AFF3: variants seen among roughly 807,000 people sequenced by gnomAD.
AFF3 encodes ALF transcription elongation factor 3.
Under a neutral mutation model 129.7 loss-of-function variants are expected in AFF3, and 32 were observed. That is an observed-to-expected ratio of 0.25 (90% CI 0.19 to 0.33). AFF3 has a LOEUF of 0.33. Among genes scored for constraint, AFF3 ranks in the 10% least tolerant of loss-of-function variants. The pLI is 1.00. For synonymous variants in AFF3, 644 were observed against 635.4 expected, an observed-to-expected ratio of 1.01 and a Z score of -0.20; for missense variants, 1,373 against 1,592.0, an observed-to-expected ratio of 0.86 and a Z score of 2.34.
intron 7 of AFF3, among the ~76,000 whole-genome samples, chr2:99,923,581 A>G (rs1426596955): frequency 6.6e-6 from 1 of 152,202 alleles, no homozygotes. Context: ...CTGGATGTAG[A>G]GTGAGGTCCA....
At chr2:99,722,474 GT>G in intron 11 of AFF3, among the ~76,000 whole-genome samples, 1 of 152,110 alleles carries the variant, frequency 6.6e-6, no homozygotes, top group Non-Finnish European at 1.5e-5. Context: ...ATCTGTTTCG[GT>G]TTTGCCCTTA....
At position 100,089,068 on chromosome 2, in the gene AFF3, A is replaced by C. The variant is rs535711987; in HGVS notation, c.53+15334T>G. ...CTGAATACAGACCCTGCCTGCTCTA[A>C]AAGTCACGAGGTATAAAGTGTGAAC... On this transcript the variant is annotated intron_variant, in intron 4 of 24. Coordinates refer to ENST00000672756, the MANE Select transcript of AFF3 (RefSeq NM_001386135.1). Among the ~76,000 whole-genome samples, 12 of 152,228 alleles carry C rather than the reference A, an allele frequency of 7.9e-5. No individual in the cohort carries two copies. In the South Asian group the frequency reaches 2.3e-3, roughly 29 times the overall value.
At chr2:100,118,686 G>A (rs1210119032) in intron 2 of AFF3, among the ~76,000 whole-genome samples, 1 of 151,928 alleles carries the variant, frequency 6.6e-6, no homozygotes, top group Non-Finnish European at 1.5e-5. Context: ...TTTGGCCCCT[G>A]GGAATACCTG....
chr2:99,959,870 T>C (rs1278079833), intron 7 of AFF3, among the ~76,000 whole-genome samples: 1 of 151,892 alleles, frequency 6.6e-6, no homozygotes, highest in Non-Finnish European at 1.5e-5. Context: ...ACACCCAGCA[T>C]AGCCTATGGC....
chr2:99,928,301 C>T (rs564205951), intron 7 of AFF3, among the ~76,000 whole-genome samples: 27 of 152,212 alleles, frequency 1.8e-4, no homozygotes, highest in South Asian at 6.2e-4. Flanking sequence ...AAAATCTCAA[C>T]GCAGCAGGTA....
In AFF3 at chr2:99,594,127, C is replaced by T. The variant is rs763782134; in HGVS notation, c.1534G>A (p.Asp512Asn). ...TCTCTCAGGCTGGGCTGGCAAACGT[C>T]GGGGACTTTCCCACAGTCCTGGACG... is the stretch of plus-strand genomic sequence containing the variant. ...EDVQDCGKVPDVCQPSLREKE... is the reference protein window; with the variant it reads ...EDVQDCGKVPNVCQPSLREKE... Residue 512 changes from aspartate (D) to asparagine (N), a missense_variant, in exon 15 of 25, where the codon GAC becomes AAC. This residue lies in a region of AFF3 where 413 missense variants were observed against 424.4 expected (regional missense o/e 0.97). Coordinates refer to ENST00000672756, the MANE Select transcript of AFF3 (RefSeq NM_001386135.1). 19 of 1,613,930 alleles carry T rather than the reference C, an allele frequency of 1.2e-5. No homozygotes were observed. The highest frequency in any genetic ancestry group is 5.3e-5 in the African/African-American group (4 of 74,910).
At chr2:99,561,082 G>A (rs1675423708) in intron 20 of AFF3, among the ~76,000 whole-genome samples, 1 of 152,192 alleles carries the variant, frequency 6.6e-6, no homozygotes, top group South Asian at 2.1e-4. Flanking sequence ...TGAGAGAGCT[G>A]AGGCAGTATG....
At chr2:99,806,508 G>C (rs1287833329) in intron 8 of AFF3, among the ~76,000 whole-genome samples, 4 of 152,168 alleles carry the variant, frequency 2.6e-5, no homozygotes, top group Non-Finnish European at 5.9e-5. Context: ...GATGCACCAG[G>C]AATCTCGCTC....
chr2:99,612,299 C>T (rs545637000), intron 13 of AFF3, among the ~76,000 whole-genome samples: 3 of 152,308 alleles, frequency 2.0e-5, no homozygotes, highest in Non-Finnish European at 4.4e-5. Context: ...CAAAAGCTGA[C>T]GAATGAAACA....
intron 10 of AFF3, among the ~76,000 whole-genome samples, chr2:99,734,688 A>C (rs889976606): frequency 2.6e-5 from 4 of 152,026 alleles, no homozygotes; most frequent in African/African-American, 7.2e-5. Context: ...AAAAGGATCC[A>C]ATTTTGAATT....
At chr2:100,074,022 A>G (rs1301312663) in intron 4 of AFF3, among the ~76,000 whole-genome samples, 1 of 152,184 alleles carries the variant, frequency 6.6e-6, no homozygotes, top group South Asian at 2.1e-4. Context: ...TCAGAAGGAG[A>G]CTGAGTAGAA....
chr2:99,820,867 C>T (rs1033929664), intron 8 of AFF3, among the ~76,000 whole-genome samples: 2 of 140,208 alleles, frequency 1.4e-5, no homozygotes, highest in Non-Finnish European at 3.1e-5. Flanking sequence ...TTCTCCTCCA[C>T]ATCTTTTTTT....
At chr2:100,031,577 T>C (rs192427005) in intron 4 of AFF3, among the ~76,000 whole-genome samples, 224 of 152,218 alleles carry the variant, frequency 1.5e-3, no homozygotes, top group Middle Eastern at 3.4e-3. Flanking sequence ...CTTGGAAAAA[T>C]GGCTGATTCT....
chr2:99,880,743 T>C (rs993668917), intron 7 of AFF3, among the ~76,000 whole-genome samples: 2 of 151,880 alleles, frequency 1.3e-5, no homozygotes, highest in African/African-American at 2.4e-5. Flanking sequence ...AGTGAGGGTG[T>C]GGGAGTTGGA....
At chr2:99,586,478 G>A (rs985068316) in intron 16 of AFF3, among the ~76,000 whole-genome samples, 12 of 152,148 alleles carry the variant, frequency 7.9e-5, no homozygotes, top group Non-Finnish European at 1.3e-4. Flanking sequence ...CTATGTATAC[G>A]GTCAGGGAGG....
intron 7 of AFF3, among the ~76,000 whole-genome samples, chr2:99,932,921 C>T (rs937407742): frequency 2.0e-5 from 3 of 152,068 alleles, no homozygotes; most frequent in Non-Finnish European, 4.4e-5. Flanking sequence ...TCATAATGTA[C>T]AGTTTCAATA....
intron 9 of AFF3, among the ~76,000 whole-genome samples, chr2:99,748,595 C>T (rs966400615): frequency 5.3e-5 from 8 of 152,162 alleles, no homozygotes; most frequent in African/African-American, 1.9e-4. Flanking sequence ...TCCTGCCTGG[C>T]AAATTTCATT....
At chr2:99,704,946 T>C (rs1294626309) in intron 11 of AFF3, among the ~76,000 whole-genome samples, 1 of 151,836 alleles carries the variant, frequency 6.6e-6, no homozygotes, top group East Asian at 1.9e-4. Flanking sequence ...TGGACAGAGA[T>C]GAAAATTGCA....
chr2:99,750,202 C>G (rs908872436), intron 9 of AFF3, among the ~76,000 whole-genome samples: 2 of 151,988 alleles, frequency 1.3e-5, no homozygotes, highest in African/African-American at 4.8e-5. Context: ...TTAAGGAGTT[C>G]CTACAAATTA....
Sources: gnomAD v4.1 joint callset for allele counts (sites outside exome capture counted in the v4.1 genomes callset) on GRCh38, gnomAD v4.1.1 for gene constraint, gnomAD v4.1.1 regional missense constraint, MANE v1.5 for transcripts, NCBI Gene and HGNC (gene_info 2026-07-23, HGNC 2026-07-21) for gene names.